CNPY1: variants seen among roughly 807,000 people sequenced by gnomAD.
CNPY1 encodes the protein canopy FGF signaling regulator 1, also known as protein canopy homolog 1.
CNPY1 carries 14 observed loss-of-function variants against 14.4 expected under a neutral mutation model. That is an observed-to-expected ratio of 0.97 (90% CI 0.64 to 1.52). CNPY1 has a LOEUF of 1.52. Among genes scored for constraint, CNPY1 ranks in the 40% most tolerant of loss-of-function variants. The pLI, the probability that CNPY1 is intolerant of heterozygous loss-of-function variation, is 0.00. For synonymous variants in CNPY1, 43 were observed against 46.5 expected (o/e 0.92, Z 0.31); for missense variants, 129 against 131.5 (o/e 0.98, Z 0.09).
Position 155,522,404 on chromosome 7 carries a change from G to A in CNPY1, c.100-13307C>T, listed in dbSNP as rs114476383. Among the ~76,000 whole-genome samples, 286 of 152,358 alleles carry A rather than the reference G, an allele frequency of 1.9e-3. 3 individuals are homozygous for A. Among genetic ancestry groups the A allele is most frequent in the African/African-American group, 6.3e-3 (262 of 41,588 alleles). On this transcript the variant is annotated intron_variant, in intron 2 of 4. Coordinates refer to ENST00000636446, the MANE Select transcript of CNPY1 (RefSeq NM_001393663.1). ...AAGTGCCTGTTGACCTGGTTTCCTC[G>A]TGGCCTAAGGTGGGTGGGCAGTAGC... is the stretch of plus-strand genomic sequence containing the variant.
chr7:155,526,875 A>C (rs1326006598), intron 2 of CNPY1, among the ~76,000 whole-genome samples: 1 of 152,106 alleles, frequency 6.6e-6, no homozygotes, highest in African/African-American at 2.4e-5. Context: ...TGTCCTGGAG[A>C]AATCCAATCA....
At chr7:155,522,793 G>T (rs1161172606) in intron 2 of CNPY1, among the ~76,000 whole-genome samples, 1 of 152,180 alleles carries the variant, frequency 6.6e-6, no homozygotes, top group Non-Finnish European at 1.5e-5. Context: ...CCCCAAATGG[G>T]TTCTAGAACA....
At chr7:155,506,157 G>A (rs1212218460) in intron 4 of CNPY1, among the ~76,000 whole-genome samples, 2 of 152,096 alleles carry the variant, frequency 1.3e-5, no homozygotes, top group African/African-American at 4.8e-5. Context: ...ATACTTTATT[G>A]TAAACAACTG....
chr7:155,502,768 A>T lies in CNPY1; in HGVS notation c.*300T>A, dbSNP rs1796158403. The T allele has an allele frequency of 7.7e-6, 3 of 390,562 alleles. No homozygotes were observed. In the East Asian group the frequency reaches 1.2e-4, roughly 15 times the overall value. The allele number at this position is 390,562 out of a possible 1,614,324, so 24.2% of individuals were successfully genotyped here. On this transcript the variant is annotated 3_prime_UTR_variant, in exon 5 of 5. Coordinates refer to ENST00000636446, the MANE Select transcript of CNPY1 (RefSeq NM_001393663.1). ...TATGAAATCCCTATTTTGTTTATGA[A>T]ATGTCTTCGCTTTTTTCCTCAATAC...
rs556389259 is a variant in CNPY1 at position 155,539,073 on chromosome 7, C to T, written c.99+6758G>A. Among the ~76,000 whole-genome samples the T allele has an allele frequency of 4.3e-4, 66 of 151,990 alleles. 1 individual carries two copies. Among genetic ancestry groups the T allele is most frequent in the African/African-American group, 1.4e-3 (59 of 41,556 alleles). ...CTCCCCACCCCACCCTGCCCAGCTG[C>T]GGTCCCTTGGTCCATAGAAAGCGTA... On this transcript the variant is annotated intron_variant, in intron 2 of 4. Transcript: ENST00000636446.
intron 2 of CNPY1, among the ~76,000 whole-genome samples, chr7:155,511,880 T>C (rs1314819785): frequency 2.0e-5 from 3 of 152,224 alleles, no homozygotes; most frequent in Non-Finnish European, 2.9e-5. Flanking sequence ...AAGATACTTA[T>C]GCATTACAGC....
intron 2 of CNPY1, among the ~76,000 whole-genome samples, chr7:155,543,365 G>A (rs1040822143): frequency 4.6e-5 from 7 of 152,050 alleles, no homozygotes; most frequent in Non-Finnish European, 1.0e-4. Context: ...AGTAGCCCCC[G>A]CAGTAACACC....
At chr7:155,508,664 T>C (rs932564233) in intron 3 of CNPY1, among the ~76,000 whole-genome samples, 1 of 152,214 alleles carries the variant, frequency 6.6e-6, no homozygotes, top group Non-Finnish European at 1.5e-5. Context: ...GACGTGTCCA[T>C]TGATCACCAT....
chr7:155,506,967 TGAGA>T (rs1210118135), intron 4 of CNPY1, 49 bp downstream of exon 4: 4 of 1,192,450 alleles, frequency 3.4e-6, no homozygotes, highest in Middle Eastern at 1.9e-4. Flanking sequence ...CAAGGCTGAG[TGAGA>T]GAGAGAGGGT....
At chr7:155,519,565 G>T (rs60705789) in intron 2 of CNPY1, among the ~76,000 whole-genome samples, 1 of 126,212 alleles carries the variant, frequency 7.9e-6, no homozygotes. Flanking sequence ...AAATAAATAA[G>T]AAAGAAAGAA....
intron 3 of CNPY1, among the ~76,000 whole-genome samples, chr7:155,507,494 A>AAAAAAAAAAAAAAAAAAAAAAAAAAC: frequency 6.8e-6 from 1 of 146,950 alleles, no homozygotes; most frequent in African/African-American, 2.5e-5. Context: ...AAAAAAAAAA[A>AAAAAAAAAAAAAAAAAAAAAAAAAAC]AAAAAGAAGA....
chr7:155,520,760 C>T (rs1388103392), intron 2 of CNPY1, among the ~76,000 whole-genome samples: 1 of 152,058 alleles, frequency 6.6e-6, no homozygotes, highest in Non-Finnish European at 1.5e-5. Flanking sequence ...GTGCATTGGA[C>T]TAAGGGTTCT....
At chr7:155,509,203 G>A (rs778564141) in intron 2 of CNPY1, 106 bp from the exon 3 acceptor site, 7 of 607,262 alleles carry the variant, frequency 1.2e-5, no homozygotes, top group African/African-American at 1.9e-5. Flanking sequence ...GAATGCAAAC[G>A]TGTGCCACTT....
intron 2 of CNPY1, among the ~76,000 whole-genome samples, chr7:155,540,355 G>A (rs1473863181): frequency 6.6e-6 from 1 of 152,290 alleles, no homozygotes; most frequent in South Asian, 2.1e-4. Flanking sequence ...AATGGTATTG[G>A]AATTTTTCTA....
intron 2 of CNPY1, among the ~76,000 whole-genome samples, chr7:155,532,388 C>G (rs533438545): frequency 6.6e-6 from 1 of 151,336 alleles, no homozygotes; most frequent in Non-Finnish European, 1.5e-5. Context: ...TTTGGGAGGC[C>G]GAGGCGGGCG....
At chr7:155,545,609 G>A (rs1274002972) in intron 2 of CNPY1, among the ~76,000 whole-genome samples, 1 of 152,204 alleles carries the variant, frequency 6.6e-6, no homozygotes, top group African/African-American at 2.4e-5. Context: ...GTGCCGAAAT[G>A]TCTTTCGACT....
chr7:155,532,155 C>G (rs1010043632), intron 2 of CNPY1, among the ~76,000 whole-genome samples: 1 of 152,242 alleles, frequency 6.6e-6, no homozygotes, highest in African/African-American at 2.4e-5. Context: ...AATATTGGTT[C>G]TGAAAATTCA....
chr7:155,520,529 C>G lies in CNPY1; in HGVS notation c.100-11432G>C, dbSNP rs531671718. 2.9e-3 allele frequency among the ~76,000 whole-genome samples: 438 copies of G among 150,670 alleles called. 4 individuals carry two copies. The highest frequency in any genetic ancestry group is 4.2e-3 in the Admixed American group (63 of 15,138). ...CTTGGCTCACTGCAACCTCCGCCTCCCCAGTTCAAGTGATTCTCATGCCTC... is the reference window on the plus strand; with the variant it reads ...CTTGGCTCACTGCAACCTCCGCCTCGCCAGTTCAAGTGATTCTCATGCCTC... On this transcript the variant is annotated intron_variant, in intron 2 of 4. Transcript: ENST00000636446.
At chr7:155,513,972 C>CTT (rs1321742362) in intron 2 of CNPY1, among the ~76,000 whole-genome samples, 2 of 152,224 alleles carry the variant, frequency 1.3e-5, no homozygotes, top group Non-Finnish European at 2.9e-5. Context: ...ATACCATAAG[C>CTT]TTAACCTCTG....
Sources: allele counts gnomAD v4.1 joint callset (sites outside exome capture counted in the v4.1 genomes callset), GRCh38; gene constraint gnomAD v4.1.1; transcripts MANE v1.5; gene names NCBI Gene and HGNC (gene_info 2026-07-23, HGNC 2026-07-21).